Variants in CHN2 observed in about 807,000 individuals in gnomAD.
CHN2 encodes the protein beta-chimaerin.
A neutral mutation model predicts 56.3 loss-of-function variants in CHN2; 35 were observed. That is an observed-to-expected ratio of 0.62 (90% CI 0.47 to 0.82). The LOEUF (loss-of-function observed/expected upper bound fraction) is 0.82, where lower values mean the gene tolerates loss of function less well. Ranked by LOEUF, CHN2 falls within the 40% of genes least tolerant of loss-of-function variation. CHN2 has a pLI of 0.00. For missense variants in CHN2, 491 were observed against 580.5 expected, an observed-to-expected ratio of 0.85 and a Z score of 1.58; for synonymous variants, 210 against 212.8, an observed-to-expected ratio of 0.99 and a Z score of 0.12.
intron 1 of CHN2, among the ~76,000 whole-genome samples, chr7:29,297,915 G>C (rs1793318895): frequency 6.6e-6 from 1 of 152,168 alleles, no homozygotes; most frequent in South Asian, 2.1e-4. Context: ...AAGGGGTACA[G>C]ACTGAAGATG....
chr7:29,220,651 G>A (rs1248328710), intron 1 of CHN2, among the ~76,000 whole-genome samples: 1 of 152,044 alleles, frequency 6.6e-6, no homozygotes, highest in Admixed American at 6.6e-5. Context: ...AAATTGAAGC[G>A]ACAATTAAAT....
At chr7:29,424,422 AAGATGGCATT>A (rs1804644787) in intron 6 of CHN2, among the ~76,000 whole-genome samples, 2 of 152,172 alleles carry the variant, frequency 1.3e-5, no homozygotes, top group African/African-American at 4.8e-5. Flanking sequence ...GACCACAAAC[AAGATGGCATT>A]TGCTTTCACT....
chr7:29,455,966 A>G (rs1784722871), intron 6 of CHN2, among the ~76,000 whole-genome samples: 1 of 152,222 alleles, frequency 6.6e-6, no homozygotes, highest in Admixed American at 6.5e-5. Flanking sequence ...TGGAGTAGCC[A>G]AGAAGAGTCC....
At chr7:29,242,850 C>T (rs1004695658) in intron 1 of CHN2, among the ~76,000 whole-genome samples, 5 of 146,372 alleles carry the variant, frequency 3.4e-5, no homozygotes, top group African/African-American at 5.0e-5. Flanking sequence ...TTGTGATTCT[C>T]AGGGTGAATG....
intron 1 of CHN2, among the ~76,000 whole-genome samples, chr7:29,332,134 C>G (rs1796269434): frequency 6.6e-6 from 1 of 152,118 alleles, no homozygotes; most frequent in Admixed American, 6.5e-5. Flanking sequence ...AAATAAACAG[C>G]CTCATGGAGC....
At chr7:29,212,910 A>T (rs1785062660) in intron 1 of CHN2, 2 of 1,599,022 alleles carry the variant, frequency 1.3e-6, no homozygotes, top group South Asian at 2.2e-5. Context: ...GGAACAATTC[A>T]TCCTGGAGCA....
intron 6 of CHN2, among the ~76,000 whole-genome samples, chr7:29,429,676 A>C: frequency 6.6e-6 from 1 of 152,224 alleles, no homozygotes; most frequent in Non-Finnish European, 1.5e-5. Flanking sequence ...TTTATACTAA[A>C]GCTTTGAGAG....
At chr7:29,481,921 T>A (rs945413855) in intron 7 of CHN2, among the ~76,000 whole-genome samples, 1 of 152,182 alleles carries the variant, frequency 6.6e-6, no homozygotes, top group Non-Finnish European at 1.5e-5. Context: ...TCCATGTATA[T>A]TCTGTGTCTG....
chr7:29,505,885 C>G (rs1420138), intron 10 of CHN2, among the ~76,000 whole-genome samples: 6 of 152,154 alleles, frequency 3.9e-5, no homozygotes, highest in African/African-American at 1.4e-4. Context: ...TGACAGATTC[C>G]CAATAACTGT....
At chr7:29,497,132 C>T (rs569593629) in intron 8 of CHN2, among the ~76,000 whole-genome samples, 1 of 152,292 alleles carries the variant, frequency 6.6e-6, no homozygotes, top group African/African-American at 2.4e-5. Context: ...CCACCTCCCC[C>T]ATTGCAGGTC....
At chr7:29,400,443 G>A in intron 5 of CHN2, 100 bp from the exon 6 acceptor site, 1 of 1,181,758 alleles carries the variant, frequency 8.5e-7, no homozygotes. Flanking sequence ...CCTGTGCCTG[G>A]GATACACTAA....
intron 6 of CHN2, among the ~76,000 whole-genome samples, chr7:29,456,722 G>A (rs1234563419): frequency 6.6e-6 from 1 of 151,170 alleles, no homozygotes; most frequent in Non-Finnish European, 1.5e-5. Context: ...GTGATATTCT[G>A]ATTCAGGTGA....
At chr7:29,355,593 C>T (rs1798229903) in intron 2 of CHN2, among the ~76,000 whole-genome samples, 1 of 151,750 alleles carries the variant, frequency 6.6e-6, no homozygotes, top group Non-Finnish European at 1.5e-5. Context: ...AGGAGGAGCC[C>T]ACTGTGTCCA....
At chr7:29,326,526 A>G (rs1175893457) in intron 1 of CHN2, among the ~76,000 whole-genome samples, 2 of 152,198 alleles carry the variant, frequency 1.3e-5, no homozygotes, top group African/African-American at 4.8e-5. Context: ...ATGTGGAGAG[A>G]CATCCTGTCC....
intron 4 of CHN2, chr7:29,397,042 C>G (rs938440888): frequency 6.6e-6 from 1 of 152,278 alleles, no homozygotes; most frequent in African/African-American, 2.4e-5. Context: ...AGCATTGCTC[C>G]AAGACCTCCA....
At position 29,328,800 on chromosome 7, in the gene CHN2, C is replaced by A. The variant is rs73301252; in HGVS notation, c.50-25825C>A. Among the ~76,000 whole-genome samples, 860 of 152,094 alleles carry A rather than the reference C, an allele frequency of 5.7e-3. 6 individuals carry two copies. Among genetic ancestry groups the A allele is most frequent in the African/African-American group, 0.02 (823 of 41,492 alleles). On this transcript the variant is annotated intron_variant, in intron 1 of 12. Coordinates refer to ENST00000222792, the MANE Select transcript of CHN2 (RefSeq NM_004067.4). The stretch of plus-strand genomic sequence containing the variant: ...CCTTATGCTGGAGGTCAAATGCTTA[C>A]AATAGCCTAAAATGACAAGTCGAGA...
chr7:29,152,072 G>A (rs940305051), intron 2 of CHN2, among the ~76,000 whole-genome samples: 31 of 152,194 alleles, frequency 2.0e-4, no homozygotes, highest in Middle Eastern at 3.2e-3. Context: ...TGCCTATGAA[G>A]AGTTGCATGA....
chr7:29,225,798 G>A (rs1786143133), intron 1 of CHN2, among the ~76,000 whole-genome samples: 1 of 152,122 alleles, frequency 6.6e-6, no homozygotes, highest in Non-Finnish European at 1.5e-5. Context: ...CTTGCCTCAC[G>A]TTGAGGGGAC....
At chr7:29,195,364 G>A in intron 1 of CHN2, 2 of 233,922 alleles carry the variant, frequency 8.5e-6, no homozygotes, top group Non-Finnish European at 1.6e-5. Flanking sequence ...CGACCTGTTT[G>A]CCGTGCCGCG....
Sources: gnomAD v4.1 joint callset for allele counts (sites outside exome capture counted in the v4.1 genomes callset) on GRCh38, gnomAD v4.1.1 for gene constraint, MANE v1.5 for transcripts, NCBI Gene and HGNC (gene_info 2026-07-23, HGNC 2026-07-21) for gene names.